The following ACSL4 variants were observed in gnomAD, a reference collection of about 807,000 sequenced individuals.
ACSL4 encodes the protein long-chain-fatty-acid--CoA ligase 4.
In ACSL4, 9 loss-of-function variants were observed where a neutral mutation model predicts 49.1. The observed-to-expected ratio is 0.18, with a 90% CI of 0.11 to 0.32. ACSL4 has a LOEUF of 0.32. ACSL4 is among the 10% of genes least tolerant of loss of function. The pLI is 1.00. For missense variants in ACSL4, 333 were observed against 493.7 expected, an observed-to-expected ratio of 0.67 and a Z score of 3.08; for synonymous variants, 191 against 170.3, an observed-to-expected ratio of 1.12 and a Z score of -0.95.
At chrX:109,716,447 A>G (rs1190222691) in intron 1 of ACSL4, among the ~76,000 whole-genome samples, 1 of 112,350 alleles carries the variant, frequency 8.9e-6, no homozygotes, top group Non-Finnish European at 1.9e-5. Flanking sequence ...CAAAGGATGA[A>G]AGTGAGGTTC....
chrX:109,661,452 C>T, intron 14 of ACSL4, 79 bp downstream of exon 14: 1 of 713,563 alleles, frequency 1.4e-6, no homozygotes, highest in Non-Finnish European at 2.2e-6. Flanking sequence ...CTATGTTACC[C>T]TTATGATAAT....
intron 1 of ACSL4, among the ~76,000 whole-genome samples, chrX:109,721,506 C>T (rs1225861840): frequency 9.0e-6 from 1 of 111,534 alleles, no homozygotes; most frequent in Non-Finnish European, 1.9e-5. Context: ...CCAAGGCAGG[C>T]GGATCACCTG....
chrX:109,674,513 C>T, intron 8 of ACSL4, 40 bp from the exon 9 acceptor site: 1 of 979,382 alleles, frequency 1.0e-6, no homozygotes, highest in Non-Finnish European at 1.4e-6. Flanking sequence ...GGAAAACCAA[C>T]CTTAAAACAT....
chrX:109,655,636 T>G (rs1921576968), intron 15 of ACSL4, among the ~76,000 whole-genome samples: 1 of 110,842 alleles, frequency 9.0e-6, no homozygotes, highest in Non-Finnish European at 1.9e-5. Context: ...TTCCCAGAAC[T>G]GAAGGGCAGA....
At chrX:109,664,376 A>C (rs1471348046) in intron 12 of ACSL4, among the ~76,000 whole-genome samples, 1 of 111,453 alleles carries the variant, frequency 9.0e-6, no homozygotes, top group African/African-American at 3.3e-5. Flanking sequence ...AACAATTAAA[A>C]ACTTACCTAA....
chrX:109,656,784 C>T (rs1158309676), intron 15 of ACSL4, among the ~76,000 whole-genome samples: 8 of 108,117 alleles, frequency 7.4e-5, no homozygotes, highest in Non-Finnish European at 1.3e-4. Context: ...TGGAATCCCT[C>T]GTTGGGAAAA....
chrX:109,654,396 G>A (rs1016340145), intron 15 of ACSL4, among the ~76,000 whole-genome samples: 1 of 111,170 alleles, frequency 9.0e-6, no homozygotes, highest in Non-Finnish European at 1.9e-5. Flanking sequence ...TTATTTGTAA[G>A]AGAAAAACAA....
intron 2 of ACSL4, among the ~76,000 whole-genome samples, chrX:109,688,921 G>A (rs997313448): frequency 3.7e-5 from 4 of 107,722 alleles, no homozygotes; most frequent in East Asian, 2.9e-4. Context: ...CATATATGTC[G>A]TGATGACTTC....
intron 1 of ACSL4, among the ~76,000 whole-genome samples, chrX:109,726,032 A>C (rs2147556834): frequency 8.9e-6 from 1 of 111,844 alleles, no homozygotes. Flanking sequence ...ACATCATATT[A>C]TTTCATTTGT....
chrX:109,722,567 T>C (rs1248516869), intron 1 of ACSL4, among the ~76,000 whole-genome samples: 2 of 111,973 alleles, frequency 1.8e-5, no homozygotes, highest in African/African-American at 3.2e-5. Context: ...TATTGCACTT[T>C]TACATCATCA....
At chrX:109,721,743 A>AAAAAG (rs752874373) in intron 1 of ACSL4, among the ~76,000 whole-genome samples, 1 of 110,751 alleles carries the variant, frequency 9.0e-6, no homozygotes, top group Non-Finnish European at 1.9e-5. Flanking sequence ...AAAAAAAACA[A>AAAAAG]AAAAGAAAAG....
chrX:109,650,148 A>G (rs1352939669), intron 15 of ACSL4, among the ~76,000 whole-genome samples: 2 of 111,490 alleles, frequency 1.8e-5, no homozygotes, highest in African/African-American at 6.5e-5. Flanking sequence ...AACTAGAAAT[A>G]CCATTTGACC....
chrX:109,665,294 G>C (rs897688669), intron 12 of ACSL4, 126 bp downstream of exon 12: 5 of 578,835 alleles, frequency 8.6e-6, no homozygotes, highest in Non-Finnish European at 1.5e-5. Flanking sequence ...GAATGCATGG[G>C]GACAGGCAAC....
At chrX:109,687,403 A>C (rs942521132) in intron 2 of ACSL4, among the ~76,000 whole-genome samples, 13 of 112,343 alleles carry the variant, frequency 1.2e-4, no homozygotes, top group Non-Finnish European at 2.3e-4. Flanking sequence ...GCCATAAAAA[A>C]CAATGAGTTC....
chrX:109,685,169 T>C (rs936370066), intron 2 of ACSL4, among the ~76,000 whole-genome samples: 4 of 102,554 alleles, frequency 3.9e-5, no homozygotes, highest in Non-Finnish European at 5.9e-5. Context: ...CTCAGCTCAC[T>C]GCAACCTCTG....
In ACSL4 at chrX:109,717,793, C is replaced by T. The variant is rs140742592; in HGVS notation, c.-66+15346G>A. 8.9e-4 allele frequency among the ~76,000 whole-genome samples: 100 copies of T among 111,866 alleles called. 1 individual carries two copies. Among genetic ancestry groups the T allele is most frequent in the African/African-American group, 2.9e-3 (88 of 30,841 alleles). ...ACAGCCGTGTCCAACCCTTTGAATGCGAGGACATTTTTGCTTATCTCTGGT... is the reference window on the plus strand; with the variant it reads ...ACAGCCGTGTCCAACCCTTTGAATGTGAGGACATTTTTGCTTATCTCTGGT... On this transcript the variant is annotated intron_variant, in intron 1 of 15. Coordinates refer to ENST00000672401, the MANE Select transcript of ACSL4 (RefSeq NM_001318510.2).
Position 109,729,054 on chromosome X carries a change from CAA to C in ACSL4, c.-66+4083_-66+4084del, listed in dbSNP as rs34694513. 1.7e-4 allele frequency among the ~76,000 whole-genome samples: 16 copies of C among 92,038 alleles called. 1 individual carries two copies. The highest frequency in any genetic ancestry group is 6.0e-4 in the African/African-American group (15 of 24,976). 79.9% of individuals were successfully genotyped at this position (92,038 alleles called of 115,157 possible). ...TGAAACCCTGTCTCTACTAAAAATA[CAA>C]AAAAAAAAAAAAATTAGCCAGGTGT... On this transcript the variant is annotated intron_variant, in intron 1 of 15. Transcript: ENST00000672401.
intron 1 of ACSL4, among the ~76,000 whole-genome samples, chrX:109,728,799 G>C (rs1316462202): frequency 8.9e-6 from 1 of 112,098 alleles, no homozygotes; most frequent in African/African-American, 3.2e-5. Flanking sequence ...TTAATAAACT[G>C]GACCTCATCC....
chrX:109,668,546 T>A (rs1603402866), intron 10 of ACSL4, among the ~76,000 whole-genome samples: 1 of 111,488 alleles, frequency 9.0e-6, no homozygotes, highest in South Asian at 3.7e-4. Flanking sequence ...GGTAAAAAAA[T>A]TTTAATTATC....
Sources: allele counts gnomAD v4.1 joint callset (sites outside exome capture counted in the v4.1 genomes callset), GRCh38; gene constraint gnomAD v4.1.1; transcripts MANE v1.5; gene names NCBI Gene and HGNC (gene_info 2026-07-23, HGNC 2026-07-21).